Variants in CMIP observed in about 807,000 individuals in gnomAD.
CMIP encodes the protein C-Maf-inducing protein.
CMIP carries 13 observed loss-of-function variants against 97.3 expected under a neutral mutation model. That is an observed-to-expected ratio of 0.13 (90% CI 0.09 to 0.21). CMIP has a LOEUF of 0.21. Among genes scored for constraint, CMIP ranks in the 10% least tolerant of loss-of-function variants. The pLI is 1.00. For missense variants in CMIP, 847 were observed against 1,024.9 expected, an observed-to-expected ratio of 0.83 and a Z score of 2.37; for synonymous variants, 538 against 436.3, an observed-to-expected ratio of 1.23 and a Z score of -2.91.
intron 1 of CMIP, among the ~76,000 whole-genome samples, chr16:81,482,289 T>C (rs1446475250): frequency 1.3e-5 from 2 of 152,152 alleles, no homozygotes; most frequent in African/African-American, 2.4e-5. Flanking sequence ...CCCTTTGCCA[T>C]GTCAGGCCAC....
At chr16:81,585,955 CATGGTG>C (rs2091375206) in intron 1 of CMIP, among the ~76,000 whole-genome samples, 1 of 152,320 alleles carries the variant, frequency 6.6e-6, no homozygotes, top group African/African-American at 2.4e-5. Flanking sequence ...GCTCCTGGAG[CATGGTG>C]CCCAGGGCGC....
At chr16:81,626,784 AGAGAGT>A (rs2092073951) in intron 3 of CMIP, among the ~76,000 whole-genome samples, 1 of 57,964 alleles carries the variant, frequency 1.7e-5, no homozygotes, top group Non-Finnish European at 3.3e-5. Context: ...ACAGAGAGAG[AGAGAGT>A]GTGTGTGTGT....
intron 3 of CMIP, among the ~76,000 whole-genome samples, chr16:81,642,424 G>A (rs1441935654): frequency 6.6e-6 from 1 of 152,126 alleles, no homozygotes; most frequent in African/African-American, 2.4e-5. Context: ...TGAATTAGTT[G>A]GACCAGCAGG....
At chr16:81,585,696 C>T (rs1299218587) in intron 1 of CMIP, among the ~76,000 whole-genome samples, 2 of 126,382 alleles carry the variant, frequency 1.6e-5, no homozygotes, top group Admixed American at 1.7e-4. Context: ...GGCCAGTCCA[C>T]TTCCCTGGAC....
Position 81,702,683 on chromosome 16 carries a change from G to A in CMIP, c.1944+14G>A, listed in dbSNP as rs145081997. On this transcript the variant is annotated intron_variant, in intron 17 of 20. Coordinates refer to ENST00000537098, the MANE Select transcript of CMIP (RefSeq NM_198390.3). ...TCCAAGTCCACAGTGAGTTGGTTTGGTTCTCTTTGGGGCTGGATGGAGAAG... is the reference window on the plus strand; with the variant it reads ...TCCAAGTCCACAGTGAGTTGGTTTGATTCTCTTTGGGGCTGGATGGAGAAG... 1.7e-5 allele frequency: 27 copies of A among 1,611,972 alleles called. No individual in the cohort carries two copies. In the African/African-American group the frequency reaches 2.9e-4, roughly 18 times the overall value.
At chr16:81,669,730 CCTCCTTCCACACCCACCTCTCTT>C (rs1030108828) in intron 7 of CMIP, among the ~76,000 whole-genome samples, 8 of 149,726 alleles carry the variant, frequency 5.3e-5, no homozygotes, top group South Asian at 4.3e-4. Flanking sequence ...CTCACACTCA[CCTCCTTCCACACCCACCTCTCTT>C]CTCCTTCCAC....
chr16:81,595,830 C>G (rs1191656857), intron 1 of CMIP, among the ~76,000 whole-genome samples: 1 of 152,158 alleles, frequency 6.6e-6, no homozygotes, highest in Admixed American at 6.5e-5. Flanking sequence ...TCTTATGAGT[C>G]ATTTTGCTTT....
chr16:81,687,635 G>A (rs1045652225), intron 10 of CMIP, among the ~76,000 whole-genome samples: 3 of 152,060 alleles, frequency 2.0e-5, no homozygotes, highest in South Asian at 2.1e-4. Context: ...CATTTTCCTC[G>A]TCTGTAAAAT....
chr16:81,688,905 G>C (rs181971762), intron 10 of CMIP, among the ~76,000 whole-genome samples: 6 of 152,300 alleles, frequency 3.9e-5, no homozygotes, highest in Non-Finnish European at 8.8e-5. Flanking sequence ...GAGAACATGC[G>C]GTGTTCGTTT....
At chr16:81,630,524 C>G (rs1423849250) in intron 3 of CMIP, 1 of 152,276 alleles carries the variant, frequency 6.6e-6, no homozygotes, top group Non-Finnish European at 1.5e-5. Flanking sequence ...GAGGCCGGGT[C>G]AGTGCCACTG....
intron 13 of CMIP, among the ~76,000 whole-genome samples, chr16:81,694,906 G>A (rs970656649): frequency 6.6e-6 from 1 of 152,234 alleles, no homozygotes. Flanking sequence ...GCTTTTAAAT[G>A]TCAGGGACCA....
intron 1 of CMIP, among the ~76,000 whole-genome samples, chr16:81,545,789 C>A (rs1015167273): frequency 6.6e-6 from 1 of 152,230 alleles, no homozygotes; most frequent in African/African-American, 2.4e-5. Flanking sequence ...TTCCTGCCGG[C>A]CCTCCCGTGG....
chr16:81,680,646 C>T lies in CMIP; in HGVS notation c.1388+2018C>T, dbSNP rs1290335105. On this transcript the variant is annotated intron_variant, in intron 10 of 20. Coordinates refer to ENST00000537098, the MANE Select transcript of CMIP (RefSeq NM_198390.3). The stretch of plus-strand genomic sequence containing the variant: ...CAGCCAAGCGGAATTCCAGATCCCA[C>T]TAAGAGAGCCACTCCAAGAATACGT... Among the ~76,000 whole-genome samples, 3 of 152,234 alleles carry T rather than the reference C, an allele frequency of 2.0e-5. 1 individual carries two copies. The highest frequency in any genetic ancestry group is 2.0e-4 in the Admixed American group (3 of 15,290).
chr16:81,615,471 A>G (rs1477682149), intron 2 of CMIP, among the ~76,000 whole-genome samples: 17 of 95,260 alleles, frequency 1.8e-4, no homozygotes, highest in African/African-American at 6.8e-4. Flanking sequence ...GTGTATGTGT[A>G]TTTGTGTGTG....
chr16:81,460,796 CTT>C (rs1597449287), intron 1 of CMIP, among the ~76,000 whole-genome samples: 2 of 152,286 alleles, frequency 1.3e-5, no homozygotes, highest in South Asian at 4.1e-4. Context: ...CACTTGGACT[CTT>C]TTCTGAAAAT....
intron 1 of CMIP, among the ~76,000 whole-genome samples, chr16:81,535,794 C>A (rs2090331765): frequency 6.6e-6 from 1 of 152,116 alleles, no homozygotes; most frequent in Admixed American, 6.6e-5. Flanking sequence ...CGAGGTCACC[C>A]CAGACTCTGA....
chr16:81,700,119 T>C (rs1403745385), intron 15 of CMIP, among the ~76,000 whole-genome samples: 1 of 152,198 alleles, frequency 6.6e-6, no homozygotes, highest in Non-Finnish European at 1.5e-5. Flanking sequence ...CACATGGGCA[T>C]TGGGGTACCT....
intron 1 of CMIP, among the ~76,000 whole-genome samples, chr16:81,574,336 C>T (rs1035258750): frequency 6.6e-6 from 1 of 152,224 alleles, no homozygotes; most frequent in Non-Finnish European, 1.5e-5. Flanking sequence ...TGTAGCCTGG[C>T]ACCAACAACT....
intron 1 of CMIP, among the ~76,000 whole-genome samples, chr16:81,562,822 G>C (rs1597565531): frequency 6.6e-6 from 1 of 152,228 alleles, no homozygotes; most frequent in South Asian, 2.1e-4. Context: ...AAGCTCAGAA[G>C]GGTACACTTA....
Sources: allele counts gnomAD v4.1 joint callset (sites outside exome capture counted in the v4.1 genomes callset), GRCh38; gene constraint gnomAD v4.1.1; transcripts MANE v1.5; gene names NCBI Gene and HGNC (gene_info 2026-07-23, HGNC 2026-07-21).